Variants in LYRM4 observed in about 807,000 individuals in gnomAD.
LYRM4 encodes the protein LYR motif-containing protein 4.
A neutral mutation model predicts 11.7 loss-of-function variants in LYRM4; 9 were observed. The ratio of observed to expected loss-of-function variants is 0.77; its 90% CI spans 0.46 to 1.34. LYRM4 has a LOEUF of 1.34. Ranked by LOEUF, LYRM4 falls within the 40% of genes most tolerant of loss-of-function variation. The pLI is 0.00. For missense variants in LYRM4, 133 were observed against 112.5 expected (o/e 1.18, Z -0.82); for synonymous variants, 42 against 40.4 (o/e 1.04, Z -0.15).
chr6:5,170,919 A>G (rs1759392766), intron 2 of LYRM4, among the ~76,000 whole-genome samples: 2 of 152,232 alleles, frequency 1.3e-5, no homozygotes, highest in African/African-American at 2.4e-5. Flanking sequence ...TTGGCTCAAC[A>G]TATGATGGTT....
chr6:5,197,746 A>G (rs779730918), intron 2 of LYRM4, among the ~76,000 whole-genome samples: 1 of 152,200 alleles, frequency 6.6e-6, no homozygotes, highest in Non-Finnish European at 1.5e-5. Context: ...GGAGGACCTG[A>G]GCAAAGTCCC....
intron 1 of LYRM4, among the ~76,000 whole-genome samples, chr6:5,236,688 C>G (rs1215227076): frequency 6.6e-6 from 1 of 151,620 alleles, no homozygotes; most frequent in Non-Finnish European, 1.5e-5. Context: ...TAGCTCACAT[C>G]TGTAATCCCA....
chr6:5,066,653 A>C, the LYRM4 span: 2 of 1,163,948 alleles, frequency 1.7e-6, no homozygotes, highest in Non-Finnish European at 2.6e-6. Context: ...GTAATGCCTG[A>C]GTCAGGATTC....
the LYRM4 span, among the ~76,000 whole-genome samples, chr6:5,057,586 G>A: frequency 1.3e-5 from 2 of 151,926 alleles, no homozygotes; most frequent in Non-Finnish European, 2.9e-5. Flanking sequence ...AGGTATGATG[G>A]CGCCTGTAAT....
intron 2 of LYRM4, among the ~76,000 whole-genome samples, chr6:5,192,453 T>A (rs1160453328): frequency 1.3e-5 from 2 of 152,200 alleles, no homozygotes; most frequent in African/African-American, 4.8e-5. Flanking sequence ...AAGAGACATG[T>A]AGTAAGGCTC....
chr6:5,040,108 TG>T, the LYRM4 span, among the ~76,000 whole-genome samples: 2 of 152,184 alleles, frequency 1.3e-5, no homozygotes, highest in Admixed American at 6.5e-5. Flanking sequence ...TCAGAAGGAA[TG>T]TAGCTTTAAA....
chr6:5,077,200 C>A, the LYRM4 span, among the ~76,000 whole-genome samples: 3 of 152,224 alleles, frequency 2.0e-5, no homozygotes, highest in African/African-American at 7.2e-5. Flanking sequence ...TCTACTCCAC[C>A]ACCTCACTAG....
the LYRM4 span, among the ~76,000 whole-genome samples, chr6:5,079,940 C>G: frequency 2.0e-5 from 3 of 152,222 alleles, no homozygotes; most frequent in African/African-American, 4.8e-5. Flanking sequence ...ACAACAGTGG[C>G]TAAACTATTC....
At chr6:5,236,290 C>T (rs1436118527) in intron 1 of LYRM4, 1 of 151,830 alleles carries the variant, frequency 6.6e-6, no homozygotes, top group Admixed American at 6.6e-5. Flanking sequence ...CATGGTGAAA[C>T]CCCGTCTCTA....
At chr6:5,249,602 A>G (rs1764341707) in intron 1 of LYRM4, among the ~76,000 whole-genome samples, 1 of 152,242 alleles carries the variant, frequency 6.6e-6, no homozygotes, top group Admixed American at 6.5e-5. Flanking sequence ...TTAAGATATC[A>G]CAGTGATACA....
chr6:5,055,822 G>T, the LYRM4 span, among the ~76,000 whole-genome samples: 3 of 151,984 alleles, frequency 2.0e-5, no homozygotes, highest in African/African-American at 7.3e-5. The surrounding 1 kb of genome is among the most constrained non-coding windows in gnomAD (Gnocchi z 4.5). Flanking sequence ...AGGGCCAAAG[G>T]GACTCACCAA....
the LYRM4 span, among the ~76,000 whole-genome samples, chr6:5,071,546 G>A: frequency 6.6e-6 from 1 of 150,406 alleles, no homozygotes; most frequent in East Asian, 1.9e-4. Context: ...ATATATATGT[G>A]TGTGTGTGTG....
At chr6:5,260,584 G>C in intron 1 of LYRM4, 64 bp downstream of exon 1, 3 of 1,309,514 alleles carry the variant, frequency 2.3e-6, no homozygotes, top group Non-Finnish European at 3.2e-6. Flanking sequence ...TTCCGCGTCA[G>C]CCCGCACCCC....
intron 1 of LYRM4, chr6:5,218,233 T>C: frequency 1.0e-6 from 1 of 984,392 alleles, no homozygotes; most frequent in Non-Finnish European, 1.2e-6. Flanking sequence ...GATCACAGAC[T>C]GCTCTGCTTT....
the LYRM4 span, among the ~76,000 whole-genome samples, chr6:5,076,835 C>T: frequency 6.6e-6 from 1 of 152,240 alleles, no homozygotes; most frequent in African/African-American, 2.4e-5. Flanking sequence ...CACTCAATCA[C>T]ACGATCACGC....
At chr6:5,258,549 T>TAAAG (rs1764788366) in intron 1 of LYRM4, among the ~76,000 whole-genome samples, 1 of 152,156 alleles carries the variant, frequency 6.6e-6, no homozygotes, top group Admixed American at 6.5e-5. Flanking sequence ...CTGCAGAGAT[T>TAAAG]AGAGAGGAGG....
the LYRM4 span, chr6:5,087,574 A>G: frequency 6.6e-6 from 1 of 152,348 alleles, no homozygotes; most frequent in African/African-American, 2.4e-5. Flanking sequence ...ATTAGCAGTC[A>G]GAGAAGCTGG....
chr6:5,071,312 T>C, the LYRM4 span, among the ~76,000 whole-genome samples: 2 of 152,176 alleles, frequency 1.3e-5, no homozygotes, highest in African/African-American at 4.8e-5. Context: ...AGTCTGTGCA[T>C]AAAAGTCATA....
At chr6:5,181,754 G>T (rs2127679357) in intron 2 of LYRM4, among the ~76,000 whole-genome samples, 1 of 152,244 alleles carries the variant, frequency 6.6e-6, no homozygotes, top group South Asian at 2.1e-4. Flanking sequence ...GCTCTTCTCA[G>T]CCTCTTCTCT....
Sources: gnomAD v4.1 joint callset for allele counts (sites outside exome capture counted in the v4.1 genomes callset) on GRCh38, gnomAD v4.1.1 for gene constraint, Gnocchi (gnomAD v3.1) non-coding constraint, MANE v1.5 for transcripts, NCBI Gene and HGNC (gene_info 2026-07-23, HGNC 2026-07-21) for gene names.